Variants in WDHD1 observed in about 807,000 individuals in gnomAD.
WDHD1 encodes the protein WD repeat and HMG-box DNA binding protein 1.
In WDHD1, 111 loss-of-function variants were observed where a neutral mutation model predicts 135.4. The ratio of observed to expected loss-of-function variants is 0.82; its 90% CI spans 0.70 to 0.96. The LOEUF (loss-of-function observed/expected upper bound fraction) is 0.96, where lower values mean the gene tolerates loss of function less well. Among genes scored for constraint, WDHD1 ranks in the 40% least tolerant of loss-of-function variants. WDHD1 has a pLI of 0.00. For missense variants in WDHD1, 1,351 were observed against 1,336.3 expected, an observed-to-expected ratio of 1.01 and a Z score of -0.17; for synonymous variants, 434 against 439.0, an observed-to-expected ratio of 0.99 and a Z score of 0.14.
chr14:54,941,604 T>C lies in WDHD1; in HGVS notation c.3276A>G (p.Glu1092=). 2 of 1,614,082 alleles carry C rather than the reference T, an allele frequency of 1.2e-6. No homozygotes were observed. The highest frequency in any genetic ancestry group is 1.7e-6 in the Non-Finnish European group (2 of 1,179,966). ...TTGCTTTTTCTTCCTGGTTTTCTGT[T>C]TCATCACTTTCATCAACCACACGTT... is the stretch of plus-strand genomic sequence containing the variant. ...KRKRVVDESD[E]TENQEEKAKE... The change falls in exon 26 of 26, where the codon GAA becomes GAG. Residue 1092 remains glutamate, a synonymous_variant. Transcript: ENST00000360586.
At chr14:55,020,006 C>T (rs2042319468) in intron 2 of WDHD1, among the ~76,000 whole-genome samples, 1 of 152,206 alleles carries the variant, frequency 6.6e-6, no homozygotes, top group Admixed American at 6.5e-5. Flanking sequence ...CCTCAGAGAG[C>T]AACATTCCTT....
chr14:54,956,711 C>A (rs1168239990), intron 23 of WDHD1, among the ~76,000 whole-genome samples: 1 of 152,052 alleles, frequency 6.6e-6, no homozygotes, highest in Non-Finnish European at 1.5e-5. Context: ...TAACAACTCA[C>A]GAGGCAGAAT....
Position 54,991,407 on chromosome 14 carries a change from C to A in WDHD1, c.1154-7G>T. The A allele has an allele frequency of 6.2e-7, 1 of 1,611,276 alleles. No homozygotes were observed. The highest frequency in any genetic ancestry group is 8.5e-7 in the Non-Finnish European group (1 of 1,178,096). On this transcript the variant is annotated splice_region_variant and splice_polypyrimidine_tract_variant and intron_variant, in intron 11 of 25. Transcript: ENST00000360586. The stretch of plus-strand genomic sequence containing the variant: ...GTTTTTAGCATTGAAATATCTACAA[C>A]ACAAAGGATCATAATTAAGGGAATC...
At chr14:55,024,464 T>C (rs938392148) in intron 2 of WDHD1, among the ~76,000 whole-genome samples, 6 of 152,210 alleles carry the variant, frequency 3.9e-5, no homozygotes, top group African/African-American at 1.4e-4. Flanking sequence ...GTTGACTTTA[T>C]CTTTTTAAAT....
At chr14:54,950,400 C>G (rs959525461) in intron 24 of WDHD1, among the ~76,000 whole-genome samples, 2 of 151,908 alleles carry the variant, frequency 1.3e-5, no homozygotes, top group Non-Finnish European at 2.9e-5. Context: ...ACAAAGAAGG[C>G]CATTACATAA....
intron 16 of WDHD1, among the ~76,000 whole-genome samples, chr14:54,974,074 C>T (rs1298102335): frequency 6.6e-6 from 1 of 151,278 alleles, no homozygotes; most frequent in African/African-American, 2.4e-5. Flanking sequence ...GTGCATAAAC[C>T]ACCTGGAAGA....
At chr14:54,988,103 A>G (rs1292059270) in intron 13 of WDHD1, among the ~76,000 whole-genome samples, 1 of 152,230 alleles carries the variant, frequency 6.6e-6, no homozygotes, top group Non-Finnish European at 1.5e-5. Context: ...CTTTCCCATC[A>G]TAATTTTTTT....
At chr14:54,952,962 AC>A (rs1376447358) in intron 24 of WDHD1, among the ~76,000 whole-genome samples, 1 of 152,244 alleles carries the variant, frequency 6.6e-6, no homozygotes, top group African/African-American at 2.4e-5. Flanking sequence ...CACATCTTAT[AC>A]AAAAATTAAT....
chr14:54,974,297 G>A lies in WDHD1; in HGVS notation c.2064-6903C>T, dbSNP rs139293739. 1.3e-3 allele frequency among the ~76,000 whole-genome samples: 201 copies of A among 151,950 alleles called. 1 individual carries two copies. The highest frequency in any genetic ancestry group is 3.4e-3 in the Middle Eastern group (1 of 294). ...AAATACAAAAAATTTGCTAGGCATG[G>A]CAGCATGGACCTGTAGCTTTAGCTA... On this transcript the variant is annotated intron_variant, in intron 16 of 25. Transcript: ENST00000360586.
intron 2 of WDHD1, among the ~76,000 whole-genome samples, chr14:55,019,690 G>A (rs539292718): frequency 2.8e-4 from 43 of 152,234 alleles, no homozygotes; most frequent in African/African-American, 8.9e-4. Context: ...CCAACATGAC[G>A]AAACCTTGTC....
intron 6 of WDHD1, 135 bp from the exon 7 acceptor site, chr14:55,007,510 A>T: frequency 1.6e-6 from 1 of 607,986 alleles, no homozygotes; most frequent in Non-Finnish European, 2.8e-6. Flanking sequence ...CCTTAATTAT[A>T]ATAATACCTG....
chr14:54,981,670 C>T lies in WDHD1; in HGVS notation c.1933G>A (p.Gly645Arg). 18 of 1,610,658 alleles carry T rather than the reference C, an allele frequency of 1.1e-5. No homozygotes were observed. The highest frequency in any genetic ancestry group is 1.5e-5 in the Non-Finnish European group (18 of 1,177,370). ...CCTCTGTTAAGCATTCGAACAATTC[C>T]TTCTGAATCCACGTAACAAGGGGTA... ...EGTPCYVDSE[G>R]IVRMLNRGLG... Residue 645 changes from glycine to arginine, a missense_variant, in exon 16 of 26, where the codon GGA becomes AGA. Gly to Arg is a moderately radical substitution (Grantham distance 125). This residue lies in a region of WDHD1 where 1,330 missense variants were observed against 1,296.1 expected (regional missense o/e 1.03). Transcript: ENST00000360586.
chr14:55,026,685 A>C, intron 2 of WDHD1, 26 bp downstream of exon 2: 10 of 1,612,410 alleles, frequency 6.2e-6, no homozygotes, highest in Non-Finnish European at 8.5e-6. Flanking sequence ...TTTGCACCTA[A>C]AACGTTGTTT....
intron 2 of WDHD1, among the ~76,000 whole-genome samples, chr14:55,015,309 C>T (rs1466016672): frequency 1.4e-5 from 2 of 147,546 alleles, no homozygotes; most frequent in African/African-American, 2.6e-5. Context: ...ATCATTTGAA[C>T]CCAGGAAGCA....
chr14:54,956,889 T>C, intron 23 of WDHD1, 145 bp downstream of exon 23: 1 of 1,001,694 alleles, frequency 1.0e-6, no homozygotes, highest in Non-Finnish European at 1.4e-6. Context: ...TGTGCCTAGC[T>C]GCAAAAACAG....
chr14:55,025,917 G>A (rs2042429542), intron 2 of WDHD1, among the ~76,000 whole-genome samples: 2 of 152,170 alleles, frequency 1.3e-5, no homozygotes, highest in South Asian at 2.1e-4. Context: ...TCTTCAGATG[G>A]CGTCTCAAGA....
chr14:54,986,126 T>C (rs2140195524), intron 14 of WDHD1, among the ~76,000 whole-genome samples: 1 of 152,342 alleles, frequency 6.6e-6, no homozygotes, highest in South Asian at 2.1e-4. Context: ...TGGATTATGA[T>C]AAAATTCCCC....
At chr14:54,974,488 G>T (rs1276382224) in intron 16 of WDHD1, among the ~76,000 whole-genome samples, 8 of 96,746 alleles carry the variant, frequency 8.3e-5, no homozygotes, top group South Asian at 6.9e-4. Context: ...AACCTGTTTT[G>T]TTTTGTTTTT....
chr14:54,970,621 CA>C (rs202021020), intron 16 of WDHD1, among the ~76,000 whole-genome samples: 42,049 of 130,514 alleles, frequency 0.32, 6,107 homozygotes, highest in Non-Finnish European at 0.33. Flanking sequence ...GTCACAGCAC[CA>C]AAAAAAAAAA....
Sources: gnomAD v4.1 joint callset for allele counts (sites outside exome capture counted in the v4.1 genomes callset) on GRCh38, gnomAD v4.1.1 for gene constraint, gnomAD v4.1.1 regional missense constraint, MANE v1.5 for transcripts, NCBI Gene and HGNC (gene_info 2026-07-23, HGNC 2026-07-21) for gene names.